The following RANBP2 variants were observed in gnomAD, a reference collection of about 807,000 sequenced individuals.
RANBP2 encodes the protein RAN binding protein 2.
A neutral mutation model predicts 303.6 loss-of-function variants in RANBP2; 57 were observed. That is an observed-to-expected ratio of 0.19 (90% confidence interval 0.15 to 0.23). RANBP2 has a LOEUF of 0.23. Ranked by LOEUF, RANBP2 falls within the 10% of genes least tolerant of loss-of-function variation. The probability of loss-of-function intolerance (pLI) is 1.00; values close to 1 mark genes in which losing one functional copy is unlikely to be tolerated. For synonymous variants in RANBP2, 1,167 were observed against 1,301.5 expected (o/e 0.90, Z 2.23); for missense variants, 3,138 against 3,780.8 (o/e 0.83, Z 4.46).
At chr2:109,033,378 C>T in the RANBP2 span, among the ~76,000 whole-genome samples, 6 of 152,284 alleles carry the variant, frequency 3.9e-5, no homozygotes, top group African/African-American at 1.4e-4. Context: ...CCGAAACACC[C>T]AGGTTCTGTC....
the RANBP2 span, among the ~76,000 whole-genome samples, chr2:109,338,092 A>G: frequency 1.3e-5 from 2 of 152,162 alleles, no homozygotes; most frequent in East Asian, 3.8e-4. Flanking sequence ...GAACTTTAGT[A>G]AACACGCTGT....
chr2:109,256,069 G>A, the RANBP2 span, among the ~76,000 whole-genome samples: 1 of 152,122 alleles, frequency 6.6e-6, no homozygotes, highest in Admixed American at 6.5e-5. Context: ...GCCTGTATGT[G>A]CTTCATATTA....
At chr2:109,615,966 C>G in the RANBP2 span, 1 of 1,579,670 alleles carries the variant, frequency 6.3e-7, no homozygotes, top group Non-Finnish European at 8.6e-7. Context: ...GGACCCAGAG[C>G]AGCCGCTGGA....
chr2:109,630,940 CCT>C, the RANBP2 span, among the ~76,000 whole-genome samples: 1 of 152,106 alleles, frequency 6.6e-6, no homozygotes, highest in African/African-American at 2.4e-5. Flanking sequence ...GTGGCAGGCA[CCT>C]CTAATCCCAG....
chr2:109,404,996 C>G, the RANBP2 span, among the ~76,000 whole-genome samples: 2 of 151,108 alleles, frequency 1.3e-5, no homozygotes, highest in African/African-American at 4.9e-5. Flanking sequence ...ACCCCTATGT[C>G]TACACAAATA....
the RANBP2 span, among the ~76,000 whole-genome samples, chr2:109,451,789 A>G: frequency 6.6e-6 from 1 of 152,262 alleles, no homozygotes; most frequent in Non-Finnish European, 1.5e-5. Flanking sequence ...CAAGCTGCAC[A>G]TACAGTGGCT....
chr2:109,081,493 G>T, the RANBP2 span, among the ~76,000 whole-genome samples: 2 of 152,182 alleles, frequency 1.3e-5, no homozygotes, highest in African/African-American at 4.8e-5. Context: ...TGGGCTTGAG[G>T]TGGGGGTGAC....
chr2:109,166,183 A>G, the RANBP2 span, among the ~76,000 whole-genome samples: 2 of 152,056 alleles, frequency 1.3e-5, no homozygotes, highest in Non-Finnish European at 2.9e-5. Flanking sequence ...TCAGTGTTTC[A>G]AAGGAAAGAT....
the RANBP2 span, among the ~76,000 whole-genome samples, chr2:109,771,575 A>T: frequency 1.3e-4 from 4 of 30,136 alleles, no homozygotes; most frequent in African/African-American, 2.4e-4. Flanking sequence ...TTGAGAACCA[A>T]TCCTTGTAAG....
the RANBP2 span, among the ~76,000 whole-genome samples, chr2:109,551,069 T>C: frequency 2.0e-5 from 3 of 152,220 alleles, no homozygotes; most frequent in East Asian, 3.8e-4. Context: ...ATATGCAACA[T>C]GCCTCATGAG....
At chr2:109,669,874 G>A in the RANBP2 span, among the ~76,000 whole-genome samples, 8 of 20,404 alleles carry the variant, frequency 3.9e-4, no homozygotes, top group South Asian at 1.8e-3. Context: ...CCCACCCCCC[G>A]TGCCCTGGAT....
chr2:109,242,775 G>C, the RANBP2 span, among the ~76,000 whole-genome samples: 2 of 152,176 alleles, frequency 1.3e-5, no homozygotes, highest in African/African-American at 4.8e-5. Context: ...GACGTCCTCA[G>C]GCTGGGGTGT....
At chr2:109,733,898 G>T in the RANBP2 span, among the ~76,000 whole-genome samples, 7 of 151,598 alleles carry the variant, frequency 4.6e-5, no homozygotes, top group Non-Finnish European at 8.8e-5. Context: ...TCGGCCGGGC[G>T]CAGTGTCTCA....
chr2:109,098,235 G>A, the RANBP2 span, among the ~76,000 whole-genome samples: 4 of 152,152 alleles, frequency 2.6e-5, no homozygotes, highest in African/African-American at 9.7e-5. Context: ...ATTTTAGAAG[G>A]CCACTGTTTT....
At chr2:108,891,405 G>C in the RANBP2 span, among the ~76,000 whole-genome samples, 1 of 152,212 alleles carries the variant, frequency 6.6e-6, no homozygotes, top group Non-Finnish European at 1.5e-5. Flanking sequence ...ACGTAGTAAT[G>C]TAGTCTCTGT....
the RANBP2 span, chr2:109,398,937 C>A: frequency 2.6e-5 from 42 of 1,610,658 alleles, no homozygotes; most frequent in South Asian, 4.4e-4. Context: ...GCGCTGCTCC[C>A]ACCCAGGTAA....
At chr2:109,499,488 A>G in the RANBP2 span, among the ~76,000 whole-genome samples, 30 of 152,280 alleles carry the variant, frequency 2.0e-4, no homozygotes, top group African/African-American at 6.7e-4. Context: ...CTCACCCACA[A>G]AAGGGCTGGG....
chr2:109,247,763 T>G, the RANBP2 span, among the ~76,000 whole-genome samples: 4 of 152,216 alleles, frequency 2.6e-5, no homozygotes, highest in African/African-American at 9.7e-5. Flanking sequence ...ACTTAGAGGC[T>G]TAAAATAATA....
chr2:109,495,073 G>A, the RANBP2 span, among the ~76,000 whole-genome samples: 1 of 152,206 alleles, frequency 6.6e-6, no homozygotes, highest in Non-Finnish European at 1.5e-5. Flanking sequence ...CGAGCCTGGG[G>A]TGTAAGTCAC....
Sources: allele counts gnomAD v4.1 joint callset (sites outside exome capture counted in the v4.1 genomes callset), GRCh38; gene constraint gnomAD v4.1.1; transcripts MANE v1.5; gene names NCBI Gene and HGNC (gene_info 2026-07-23, HGNC 2026-07-21).